The following ANK1 variants were observed in gnomAD, a reference collection of about 807,000 sequenced individuals.
The protein encoded by ANK1 is ankyrin-1.
ANK1 carries 51 observed loss-of-function variants against 210.4 expected under a neutral mutation model. The ratio of observed to expected loss-of-function variants is 0.24; its 90% CI spans 0.19 to 0.31. The LOEUF is 0.31. Among genes scored for constraint, ANK1 ranks in the 10% least tolerant of loss-of-function variants. The pLI, the probability that ANK1 is intolerant of heterozygous loss-of-function variation, is 1.00. For missense variants in ANK1, 2,051 were observed against 2,504.4 expected, an observed-to-expected ratio of 0.82 and a Z score of 3.86; for synonymous variants, 967 against 1,025.9, an observed-to-expected ratio of 0.94 and a Z score of 1.10.
chr8:41,791,960 C>T lies in ANK1; in HGVS notation c.27+5552G>A, dbSNP rs186057862. ...GCTTGCTTTGTTTTTCCTAATCTGTCTATAAACAAGTTTTCTGCACAGGCA... is the reference window on the plus strand; with the variant it reads ...GCTTGCTTTGTTTTTCCTAATCTGTTTATAAACAAGTTTTCTGCACAGGCA... On this transcript the variant is annotated intron_variant, in intron 1 of 42. Transcript: ENST00000289734. 2.6e-5 allele frequency among the ~76,000 whole-genome samples: 4 copies of T among 152,250 alleles called. No individual in the cohort carries two copies. In the East Asian group the frequency reaches 7.7e-4, roughly 29 times the overall value.
intron 1 of ANK1, among the ~76,000 whole-genome samples, chr8:41,759,892 T>C (rs1428399349): frequency 6.6e-6 from 1 of 152,126 alleles, no homozygotes; most frequent in East Asian, 1.9e-4. Flanking sequence ...TTGTGCAGCA[T>C]CCCACAGCAG....
At chr8:41,896,219 C>A in intron 1 of ANK1, 2 of 1,277,144 alleles carry the variant, frequency 1.6e-6, no homozygotes, top group Non-Finnish European at 2.0e-6. Context: ...CCCACCGAGC[C>A]TTCCCCGCTC....
chr8:41,738,548 A>C (rs1426977731), intron 2 of ANK1, among the ~76,000 whole-genome samples: 1 of 152,230 alleles, frequency 6.6e-6, no homozygotes, highest in Admixed American at 6.5e-5. Flanking sequence ...TTTGTGGATA[A>C]ATACCATATT....
intron 16 of ANK1, among the ~76,000 whole-genome samples, chr8:41,713,127 T>G (rs1171448576): frequency 6.6e-6 from 1 of 152,238 alleles, no homozygotes; most frequent in African/African-American, 2.4e-5. Flanking sequence ...CCAGCAGGTG[T>G]TGGCTGGAGT....
At chr8:41,659,708 C>T (rs1169403436) in intron 42 of ANK1, among the ~76,000 whole-genome samples, 1 of 150,230 alleles carries the variant, frequency 6.7e-6, no homozygotes, top group East Asian at 2.0e-4. Flanking sequence ...GCCCCACCCC[C>T]CTGCCACCCT....
chr8:41,879,928 G>T (rs1817288861), intron 1 of ANK1, among the ~76,000 whole-genome samples: 1 of 152,192 alleles, frequency 6.6e-6, no homozygotes, highest in Non-Finnish European at 1.5e-5. Context: ...CAAATTACCA[G>T]ATTCATTCAT....
intron 37 of ANK1, among the ~76,000 whole-genome samples, chr8:41,683,238 C>G (rs947041333): frequency 6.6e-6 from 1 of 152,190 alleles, no homozygotes; most frequent in African/African-American, 2.4e-5. Flanking sequence ...ACAGTGGAGA[C>G]AGTGGAGACA....
At chr8:41,872,093 C>T (rs1211810155) in intron 1 of ANK1, among the ~76,000 whole-genome samples, 1 of 152,196 alleles carries the variant, frequency 6.6e-6, no homozygotes, top group Admixed American at 6.5e-5. Context: ...CAGAAACAGA[C>T]GAGCCAGCAT....
chr8:41,772,424 T>G (rs1843131778), intron 1 of ANK1, among the ~76,000 whole-genome samples: 1 of 152,192 alleles, frequency 6.6e-6, no homozygotes, highest in African/African-American at 2.4e-5. Context: ...GCTGATGCTC[T>G]TTTTTCCTCC....
intron 1 of ANK1, among the ~76,000 whole-genome samples, chr8:41,809,971 G>A (rs1802241039): frequency 6.6e-6 from 1 of 152,182 alleles, no homozygotes; most frequent in Non-Finnish European, 1.5e-5. Context: ...TCATGTTACC[G>A]TGAGCCACGG....
chr8:41,719,427 C>G (rs532197300), intron 10 of ANK1, among the ~76,000 whole-genome samples: 5 of 152,316 alleles, frequency 3.3e-5, no homozygotes, highest in South Asian at 4.2e-4. Context: ...TCCCTGACCT[C>G]GGCCTGGTCA....
intron 26 of ANK1, 147 bp downstream of exon 26, chr8:41,696,216 C>A: frequency 1.1e-6 from 1 of 871,572 alleles, no homozygotes; most frequent in Non-Finnish European, 1.8e-6. Context: ...TAAGCCCTCT[C>A]AGGGCTATGG....
exon 1 of ANK1, chr8:41,896,580 C>G (rs1197508869): frequency 7.1e-7 from 1 of 1,414,028 alleles, no homozygotes; most frequent in African/African-American, 1.5e-5. Context: ...CTCTGCTCCA[C>G]AGAGGGGACA....
chr8:41,663,969 A>C, intron 39 of ANK1: 3 of 640,094 alleles, frequency 4.7e-6, no homozygotes, highest in Non-Finnish European at 5.8e-6. Context: ...CGAGCTCACA[A>C]TTGTGCACTT....
intron 7 of ANK1, among the ~76,000 whole-genome samples, 162 bp from the exon 8 acceptor site, chr8:41,723,795 T>A (rs1199028346): frequency 3.3e-5 from 5 of 149,568 alleles, no homozygotes; most frequent in South Asian, 4.2e-4. Context: ...ATTTTTTATT[T>A]TTTTTTTTTT....
chr8:41,666,573 G>T (rs772540577), intron 39 of ANK1, among the ~76,000 whole-genome samples: 3 of 152,214 alleles, frequency 2.0e-5, no homozygotes, highest in Non-Finnish European at 4.4e-5. Context: ...GTCATTTCAG[G>T]CCACCTCCCA....
chr8:41,706,063 T>G, intron 18 of ANK1, 80 bp downstream of exon 18: 1 of 1,407,772 alleles, frequency 7.1e-7, no homozygotes, highest in Non-Finnish European at 1.0e-6. Flanking sequence ...TCTTTGGGGT[T>G]TCAAAGCTCT....
At chr8:41,783,877 A>AC (rs1400036374) in intron 1 of ANK1, among the ~76,000 whole-genome samples, 1 of 152,194 alleles carries the variant, frequency 6.6e-6, no homozygotes, top group African/African-American at 2.4e-5. Flanking sequence ...AGACTGGGCA[A>AC]CATAGCAAGA....
chr8:41,849,617 T>G (rs1368118539), intron 1 of ANK1, among the ~76,000 whole-genome samples: 1 of 152,202 alleles, frequency 6.6e-6, no homozygotes, highest in Non-Finnish European at 1.5e-5. Flanking sequence ...ATCCTGAGCA[T>G]GACAATGATC....
Sources: allele counts gnomAD v4.1 joint callset (sites outside exome capture counted in the v4.1 genomes callset), GRCh38; gene constraint gnomAD v4.1.1; transcripts MANE v1.5; gene names NCBI Gene and HGNC (gene_info 2026-07-23, HGNC 2026-07-21).